The following VPS26A variants were observed in gnomAD, a reference collection of about 807,000 sequenced individuals.
The protein encoded by VPS26A is VPS26 retromer complex component A, also known as vacuolar protein sorting-associated protein 26A.
A neutral mutation model predicts 42.4 loss-of-function variants in VPS26A; 22 were observed. The ratio of observed to expected loss-of-function variants is 0.52; its 90% CI spans 0.37 to 0.74. The LOEUF (loss-of-function observed/expected upper bound fraction) is 0.74, where lower values mean the gene tolerates loss of function less well. Among genes scored for constraint, VPS26A ranks in the 30% least tolerant of loss-of-function variants. The probability of loss-of-function intolerance (pLI) is 0.00; values close to 1 mark genes in which losing one functional copy is unlikely to be tolerated. For synonymous variants in VPS26A, 110 were observed against 123.5 expected, an observed-to-expected ratio of 0.89 and a Z score of 0.73; for missense variants, 276 against 379.2, an observed-to-expected ratio of 0.73 and a Z score of 2.26.
intron 8 of VPS26A, chr10:69,169,985 T>C (rs1294568305): frequency 6.6e-6 from 1 of 152,240 alleles, no homozygotes; most frequent in Non-Finnish European, 1.5e-5. Context: ...AAGCTTTTGG[T>C]GAATTTTGAA....
chr10:69,166,196 T>C, intron 7 of VPS26A, 86 bp downstream of exon 7: 6 of 1,239,320 alleles, frequency 4.8e-6, no homozygotes, highest in South Asian at 1.3e-5. Context: ...AGTGTGAAAG[T>C]ATCTTTGAAT....
chr10:69,127,890 G>A (rs144530972), intron 1 of VPS26A, among the ~76,000 whole-genome samples: 4 of 151,868 alleles, frequency 2.6e-5, no homozygotes, highest in Middle Eastern at 3.4e-3. Flanking sequence ...AGATATGGGG[G>A]TCTAGCTGTA....
intron 5 of VPS26A, 57 bp downstream of exon 5, chr10:69,158,268 G>A (rs879063458): frequency 2.2e-6 from 3 of 1,374,342 alleles, no homozygotes; most frequent in Non-Finnish European, 2.9e-6. Flanking sequence ...AACTTTTCAG[G>A]TGTTTGTCAG....
At chr10:69,134,699 G>A (rs1840864531) in intron 2 of VPS26A, among the ~76,000 whole-genome samples, 1 of 151,084 alleles carries the variant, frequency 6.6e-6, no homozygotes, top group African/African-American at 2.4e-5. Flanking sequence ...GTCTCTTCTG[G>A]TCCTTTGCCA....
chr10:69,151,276 A>AAAAAAAAAAAAAAAAAAAAAAAG lies in VPS26A; in HGVS notation c.154-4529_154-4528insAAAAAAAAAAAAAAAGAAAAAAA, dbSNP rs1554854511. Among the ~76,000 whole-genome samples the AAAAAAAAAAAAAAAAAAAAAAAG allele has an allele frequency of 2.0e-4, 14 of 69,124 alleles. 1 individual carries two copies. Among genetic ancestry groups the AAAAAAAAAAAAAAAAAAAAAAAG allele is most frequent in the African/African-American group, 5.2e-4 (13 of 25,170 alleles). The allele number at this position is 69,124 out of a possible 152,430, so 45.3% of individuals were successfully genotyped here. A position where few individuals can be genotyped will look rare whatever the true frequency, so the allele number is the denominator to read the frequency against. ...TGAGACTCCATGTCAAAAAAAAAAA[A>AAAAAAAAAAAAAAAAAAAAAAAG]AAAAAAACACACACACACACACAAT... On this transcript the variant is annotated intron_variant, in intron 2 of 8. Coordinates refer to ENST00000263559, the MANE Select transcript of VPS26A (RefSeq NM_004896.5).
chr10:69,149,516 AT>A (rs1034857114), intron 2 of VPS26A, among the ~76,000 whole-genome samples: 3 of 151,480 alleles, frequency 2.0e-5, no homozygotes, highest in African/African-American at 4.9e-5. Flanking sequence ...CACATTTAAA[AT>A]TTTTTTTTAA....
Position 69,174,217 on chromosome 10 carries a change from G to GTTCT in VPS26A, c.*2950_*2951insCTTT, listed in dbSNP as rs35602710. Among the ~76,000 whole-genome samples, 114,740 of 151,562 alleles carry GTTCT rather than the reference G, an allele frequency of 0.76. 45,521 individuals are homozygous for GTTCT. Among genetic ancestry groups the GTTCT allele is most frequent in the Non-Finnish European group, 0.89 (60,407 of 67,838 alleles). On this transcript the variant is annotated 3_prime_UTR_variant, in exon 9 of 9. Transcript: ENST00000263559. Reference sequence around the variant, plus strand: ...ACTCAAGGCGAAGGTCCACGGCTCCGTTAAGTCAGCGAGACCGCAAACCCA... The same window carrying GTTCT: ...ACTCAAGGCGAAGGTCCACGGCTCCGTTCTTTAAGTCAGCGAGACCGCAAACCCA...
At chr10:69,153,512 A>ATTT (rs34345019) in intron 2 of VPS26A, among the ~76,000 whole-genome samples, 8,015 of 139,268 alleles carry the variant, frequency 0.058, 272 homozygotes, top group South Asian at 0.13. Flanking sequence ...TACCCAGCTA[A>ATTT]TTTTTTTTTT....
At chr10:69,142,123 T>G (rs1483100805) in intron 2 of VPS26A, among the ~76,000 whole-genome samples, 1 of 151,610 alleles carries the variant, frequency 6.6e-6, no homozygotes, top group Non-Finnish European at 1.5e-5. Context: ...GACCTCATGA[T>G]CTGCCTGCCT....
chr10:69,136,535 G>A (rs1450374312), intron 2 of VPS26A, among the ~76,000 whole-genome samples: 1 of 152,074 alleles, frequency 6.6e-6, no homozygotes, highest in Non-Finnish European at 1.5e-5. Context: ...CTCCCAAAGT[G>A]CTGGATTACA....
At chr10:69,155,262 T>C (rs1304049477) in intron 2 of VPS26A, among the ~76,000 whole-genome samples, 2 of 152,236 alleles carry the variant, frequency 1.3e-5, no homozygotes, top group Non-Finnish European at 2.9e-5. Flanking sequence ...TTAGGAATTA[T>C]AATAATATAT....
intron 2 of VPS26A, among the ~76,000 whole-genome samples, chr10:69,151,264 C>CA (rs1192297497): frequency 0.067 from 1,933 of 28,972 alleles, 29 homozygotes; most frequent in Non-Finnish European, 0.094. Context: ...GACTCCATGT[C>CA]AAAAAAAAAA....
Position 69,161,944 on chromosome 10 carries a change from C to T in VPS26A, c.552-462C>T, listed in dbSNP as rs527390516. ...AACTGAATCTTGAATACACCCAGGC[C>T]GCCACCTCCATGCAACTCAGCAGCG... On this transcript the variant is annotated intron_variant, in intron 5 of 8. Transcript: ENST00000263559. 27 of 198,950 alleles carry T rather than the reference C, an allele frequency of 1.4e-4. 1 individual carries two copies. In the South Asian group the frequency reaches 2.5e-3, roughly 18 times the overall value. The allele number at this position is 198,950 out of a possible 1,614,324, so 12.3% of individuals were successfully genotyped here. A position where few individuals can be genotyped will look rare whatever the true frequency, so the allele number is the denominator to read the frequency against.
chr10:69,138,707 A>G (rs186836758), intron 2 of VPS26A, among the ~76,000 whole-genome samples: 212 of 152,248 alleles, frequency 1.4e-3, no homozygotes, highest in African/African-American at 4.7e-3. Context: ...TCATATTGTC[A>G]TTTCCAATTC....
At chr10:69,129,120 C>T (rs1840721059) in intron 1 of VPS26A, among the ~76,000 whole-genome samples, 2 of 151,860 alleles carry the variant, frequency 1.3e-5, no homozygotes, top group Non-Finnish European at 2.9e-5. Context: ...CTCTCTCTGC[C>T]AATTAGCATT....
chr10:69,168,670 GA>G, intron 8 of VPS26A, 39 bp downstream of exon 8: 1 of 1,596,212 alleles, frequency 6.3e-7, no homozygotes. Flanking sequence ...TTCTGCGGCA[GA>G]TCTAAAAATA....
chr10:69,157,184 CTG>C, intron 4 of VPS26A, 21 bp downstream of exon 4: 6 of 1,584,334 alleles, frequency 3.8e-6, no homozygotes, highest in Non-Finnish European at 5.2e-6. Flanking sequence ...GTATTATAAA[CTG>C]TAAACAGAAT....
chr10:69,155,898 A>T lies in VPS26A; in HGVS notation c.229+11A>T. 1 of 1,589,604 alleles carries T rather than the reference A, an allele frequency of 6.3e-7. No individual in the cohort carries two copies. Among genetic ancestry groups the T allele is most frequent in the South Asian group, 1.1e-5 (1 of 88,298 alleles). On this transcript the variant is annotated intron_variant, in intron 3 of 8. Coordinates refer to ENST00000263559, the MANE Select transcript of VPS26A (RefSeq NM_004896.5). ...TTGTAGGTCAAATTGGTGAGTTTTA[A>T]AATAGTATTATTTCTTTTTCTTTGA... is the stretch of plus-strand genomic sequence containing the variant.
intron 2 of VPS26A, among the ~76,000 whole-genome samples, chr10:69,135,171 C>T (rs1000036974): frequency 2.0e-5 from 3 of 152,150 alleles, no homozygotes; most frequent in African/African-American, 7.2e-5. Flanking sequence ...AATTTGTAAG[C>T]TCCTTAAGTT....
Sources: gnomAD v4.1 joint callset for allele counts (sites outside exome capture counted in the v4.1 genomes callset) on GRCh38, gnomAD v4.1.1 for gene constraint, MANE v1.5 for transcripts, NCBI Gene and HGNC (gene_info 2026-07-23, HGNC 2026-07-21) for gene names.